Variants in TC2N observed in about 807,000 individuals in gnomAD.
TC2N encodes tandem C2 domains, nuclear.
TC2N carries 51 observed loss-of-function variants against 61.9 expected under a neutral mutation model. That is an observed-to-expected ratio of 0.82 (90% CI 0.66 to 1.04). The LOEUF (loss-of-function observed/expected upper bound fraction) is 1.04, where lower values mean the gene tolerates loss of function less well. Among genes scored for constraint, TC2N ranks in the 50% least tolerant of loss-of-function variants. TC2N has a pLI of 0.00. For missense variants in TC2N, 556 were observed against 566.7 expected (o/e 0.98, Z 0.19); for synonymous variants, 204 against 192.6 (o/e 1.06, Z -0.49).
intron 1 of TC2N, among the ~76,000 whole-genome samples, chr14:91,814,643 A>G (rs1047446271): frequency 8.6e-5 from 13 of 151,696 alleles, no homozygotes; most frequent in Non-Finnish European, 1.6e-4. Context: ...TCAAAGAAAC[A>G]GTGAAAGTTA....
chr14:91,859,105 G>A (rs567662529), intron 1 of TC2N, among the ~76,000 whole-genome samples: 1 of 152,142 alleles, frequency 6.6e-6, no homozygotes, highest in South Asian at 2.1e-4. Flanking sequence ...TCTGCACCTG[G>A]TGTCACTTCC....
At chr14:91,848,733 A>G (rs1431159150) in intron 1 of TC2N, among the ~76,000 whole-genome samples, 1 of 152,204 alleles carries the variant, frequency 6.6e-6, no homozygotes, top group Non-Finnish European at 1.5e-5. Context: ...CCAGAAGATT[A>G]ATAACCTCTT....
intron 9 of TC2N, among the ~76,000 whole-genome samples, chr14:91,790,958 C>T (rs1885612022): frequency 6.6e-6 from 1 of 151,754 alleles, no homozygotes; most frequent in Non-Finnish European, 1.5e-5. Context: ...ATAGCAAGAC[C>T]CCTTATCTCT....
At position 91,813,108 on chromosome 14, in the gene TC2N, T is replaced by C. The variant is rs565963694; in HGVS notation, c.68-563A>G. On this transcript the variant is annotated intron_variant, in intron 2 of 11. Coordinates refer to ENST00000435962, the MANE Select transcript of TC2N (RefSeq NM_001128596.3). ...TTTTAATGTAAAAAAGAAGGCTTCA[T>C]ACTCAAATATACTATGAAGCTCTGC... 4.6e-5 allele frequency among the ~76,000 whole-genome samples: 7 copies of C among 151,852 alleles called. No individual in the cohort carries two copies. In the East Asian group the frequency reaches 7.7e-4, roughly 17 times the overall value.
chr14:91,785,780 T>C (rs2139820128), intron 10 of TC2N, among the ~76,000 whole-genome samples: 1 of 152,134 alleles, frequency 6.6e-6, no homozygotes, highest in East Asian at 1.9e-4. Flanking sequence ...CTAGATAAAA[T>C]CTGTACTTTA....
intron 1 of TC2N, among the ~76,000 whole-genome samples, chr14:91,816,446 G>A (rs189232211): frequency 3.5e-4 from 53 of 151,834 alleles, no homozygotes; most frequent in African/African-American, 1.2e-3. Context: ...ACTGTCTCCT[G>A]CCGACATTTT....
chr14:91,849,356 C>A (rs1050028290), intron 1 of TC2N, among the ~76,000 whole-genome samples: 1 of 151,910 alleles, frequency 6.6e-6, no homozygotes, highest in African/African-American at 2.4e-5. Flanking sequence ...ACACAAGACA[C>A]TTTGGTGGCC....
chr14:91,814,960 A>G (rs1222939920), intron 1 of TC2N, among the ~76,000 whole-genome samples: 1 of 151,638 alleles, frequency 6.6e-6, no homozygotes, highest in African/African-American at 2.4e-5. Context: ...ATAAATACAT[A>G]CAATTTGTTC....
At chr14:91,854,541 T>C (rs946482903) in intron 1 of TC2N, among the ~76,000 whole-genome samples, 1 of 132,892 alleles carries the variant, frequency 7.5e-6, no homozygotes, top group East Asian at 2.5e-4. Context: ...GAGGAGGGGG[T>C]AAAACATAAG....
At chr14:91,821,688 A>T (rs1227113319) in intron 1 of TC2N, among the ~76,000 whole-genome samples, 4 of 152,136 alleles carry the variant, frequency 2.6e-5, no homozygotes, top group Non-Finnish European at 5.9e-5. Flanking sequence ...GCTTTAAAAG[A>T]CACCATTAAC....
intron 11 of TC2N, 129 bp from the exon 12 acceptor site, chr14:91,783,339 TC>T (rs1201148658): frequency 9.1e-6 from 5 of 547,160 alleles, no homozygotes; most frequent in Non-Finnish European, 1.6e-5. Flanking sequence ...TAAACATCTT[TC>T]TTTTTTCCAA....
At chr14:91,822,014 G>T (rs1887277782) in intron 1 of TC2N, among the ~76,000 whole-genome samples, 1 of 152,168 alleles carries the variant, frequency 6.6e-6, no homozygotes, top group Non-Finnish European at 1.5e-5. Context: ...AAATGTTTAT[G>T]ATATGTGACA....
intron 3 of TC2N, 36 bp downstream of exon 3, chr14:91,812,276 A>G (rs1422577634): frequency 3.4e-6 from 4 of 1,185,444 alleles, no homozygotes; most frequent in Non-Finnish European, 4.7e-6. Flanking sequence ...TAAATGCTAC[A>G]TATCGATTTT....
chr14:91,832,257 G>C (rs1462097960), intron 1 of TC2N, among the ~76,000 whole-genome samples: 3 of 152,026 alleles, frequency 2.0e-5, no homozygotes, highest in Non-Finnish European at 2.9e-5. Context: ...AGGCATGGCG[G>C]CATGCACCTA....
At chr14:91,841,933 C>A (rs1888170834) in intron 1 of TC2N, among the ~76,000 whole-genome samples, 1 of 150,918 alleles carries the variant, frequency 6.6e-6, no homozygotes, top group South Asian at 2.1e-4. Context: ...GGCTACCTAG[C>A]AATAAGATTA....
At position 91,807,926 on chromosome 14, in the gene TC2N, G is replaced by A. The variant is rs553285994; in HGVS notation, c.301+4386C>T. Among the ~76,000 whole-genome samples, 6 of 152,252 alleles carry A rather than the reference G, an allele frequency of 3.9e-5. No individual in the cohort carries two copies. In the South Asian group the frequency reaches 1.2e-3, roughly 32 times the overall value. On this transcript the variant is annotated intron_variant, in intron 3 of 11. Coordinates refer to ENST00000435962, the MANE Select transcript of TC2N (RefSeq NM_001128596.3). ...GGGAGACACCTGGTAGGAGATAATT[G>A]AATCATAGGGGCAGTTTCTCCCATA...
chr14:91,785,212 T>C lies in TC2N; in HGVS notation c.1312A>G (p.Ile438Val). 6.2e-7 allele frequency: 1 copy of C among 1,613,772 alleles called. No individual in the cohort carries two copies. The highest frequency in any genetic ancestry group is 8.5e-7 in the Non-Finnish European group (1 of 1,179,782). Residue 438 changes from isoleucine (I) to valine (V), a missense_variant, in exon 11 of 12, where the codon ATT becomes GTT. By Grantham distance (29) the Ile-to-Val change is conservative (BLOSUM62 3). Transcript: ENST00000435962. ...IQSEKEIVFL[I>V]KLYSRSSVRR... ...ACAGAGCTTCGACTGTAAAGCTTAATGAGAAAAACAATTTCTTTTTCACTC... is the reference window on the plus strand; with the variant it reads ...ACAGAGCTTCGACTGTAAAGCTTAACGAGAAAAACAATTTCTTTTTCACTC...
chr14:91,813,270 G>T (rs910649498), intron 2 of TC2N, among the ~76,000 whole-genome samples: 1 of 151,650 alleles, frequency 6.6e-6, no homozygotes, highest in Non-Finnish European at 1.5e-5. Context: ...ATTCATTCAA[G>T]GCATTTTTAA....
intron 9 of TC2N, among the ~76,000 whole-genome samples, chr14:91,789,771 A>C (rs1318079467): frequency 1.3e-5 from 2 of 152,244 alleles, no homozygotes; most frequent in African/African-American, 4.8e-5. Context: ...TCTCATAATA[A>C]CCAAAAAATT....
Sources: allele counts gnomAD v4.1 joint callset (sites outside exome capture counted in the v4.1 genomes callset), GRCh38; gene constraint gnomAD v4.1.1; transcripts MANE v1.5; gene names NCBI Gene and HGNC (gene_info 2026-07-23, HGNC 2026-07-21).